NPIPB9: variants seen among roughly 807,000 people sequenced by gnomAD.
The protein encoded by NPIPB9 is nuclear pore complex interacting protein family member B9, also known as nuclear pore complex-interacting protein family member B9.
In NPIPB9, 1 loss-of-function variant was observed where a neutral mutation model predicts 5.6. That is an observed-to-expected ratio of 0.18 (90% CI 0.06 to 0.84). The LOEUF (loss-of-function observed/expected upper bound fraction) is 0.84. Among genes scored for constraint, NPIPB9 ranks in the 40% least tolerant of loss-of-function variants. NPIPB9 has a pLI of 0.70. For missense variants in NPIPB9, 3 were observed against 39.1 expected (o/e 0.08, Z 2.46); for synonymous variants, 2 against 12.5 (o/e 0.16, Z 1.77).
intron 1 of NPIPB9, chr16:28,757,950 T>TTCCTGCCA (rs2048888833): frequency 1.6e-6 from 1 of 608,940 alleles, no homozygotes; most frequent in African/African-American, 2.0e-5. Flanking sequence ...TATGAGGTTC[T>TTCCTGCCA]TCCTGCCATC....
intron 5 of NPIPB9, among the ~76,000 whole-genome samples, chr16:28,767,505 C>T (rs1472923669): frequency 2.2e-4 from 5 of 22,700 alleles, no homozygotes; most frequent in South Asian, 1.8e-3. Flanking sequence ...CCACCGTGCC[C>T]GGCCCAATTT....
intron 1 of NPIPB9, among the ~76,000 whole-genome samples, chr16:28,757,241 ATACCT>A (rs1413281456): frequency 1.9e-5 from 2 of 107,842 alleles, no homozygotes; most frequent in African/African-American, 6.3e-5. Context: ...TTGTGGGCAA[ATACCT>A]TAGGAGAGAA....
At chr16:28,754,812 C>T (rs1413956782) in intron 1 of NPIPB9, among the ~76,000 whole-genome samples, 1 of 142,974 alleles carries the variant, frequency 7.0e-6, no homozygotes, top group Admixed American at 7.1e-5. Context: ...TGGAGTTTGT[C>T]CCAGAGCTGC....
chr16:28,765,794 G>T (rs1471046950), intron 3 of NPIPB9, among the ~76,000 whole-genome samples: 25 of 90,630 alleles, frequency 2.8e-4, no homozygotes, highest in South Asian at 1.3e-3. Flanking sequence ...TCATTCTGTC[G>T]CTCAGGCTGG....
At chr16:28,766,970 C>G (rs1181124125) in intron 5 of NPIPB9, among the ~76,000 whole-genome samples, 1 of 80,804 alleles carries the variant, frequency 1.2e-5, no homozygotes, top group African/African-American at 4.8e-5. Context: ...AGGTAATCCA[C>G]CTGCCTCAGC....
intron 1 of NPIPB9, among the ~76,000 whole-genome samples, chr16:28,754,879 C>T (rs921750135): frequency 4.3e-5 from 6 of 140,274 alleles, no homozygotes; most frequent in African/African-American, 1.3e-4. Flanking sequence ...GCAGTTTGGT[C>T]GGATGTAATC....
Position 28,756,125 on chromosome 16 carries a change from G to C in NPIPB9, c.26-1873G>C, listed in dbSNP as rs868773571. ...TAGTACTCTCTGCCATTCACTTTTG[G>C]TCTAATCTGACTTCAACCCCCACTT... On this transcript the variant is annotated intron_variant, in intron 1 of 7. Coordinates refer to ENST00000550983, the Ensembl canonical transcript of NPIPB9. Among the ~76,000 whole-genome samples, 138 of 81,672 alleles carry C rather than the reference G, an allele frequency of 1.7e-3. 1 individual carries two copies. Among genetic ancestry groups the C allele is most frequent in the Middle Eastern group, 0.012 (2 of 172 alleles). The allele number at this position is 81,672 out of a possible 152,430, so 53.6% of individuals were successfully genotyped here. A position where few individuals can be genotyped will look rare whatever the true frequency, so the allele number is the denominator to read the frequency against.
rs1438672668 is a variant in NPIPB9 at position 28,767,023 on chromosome 16, G to A, written c.590+534G>A. ...TTAGAGGTGTGAGCCACCACACCCA[G>A]GCTTTTTTTTTTTTTTTTTAATTTT... On this transcript the variant is annotated intron_variant, in intron 5 of 7. Transcript: ENST00000550983. Among the ~76,000 whole-genome samples, 2 of 54,270 alleles carry A rather than the reference G, an allele frequency of 3.7e-5. 1 individual carries two copies. The highest frequency in any genetic ancestry group is 4.3e-4 in the Admixed American group (2 of 4,668). 35.6% of individuals were successfully genotyped at this position (54,270 alleles called of 152,430 possible). A position where few individuals can be genotyped will look rare whatever the true frequency, so the allele number is the denominator to read the frequency against.
At chr16:28,753,281 G>C (rs1329300983) in intron 1 of NPIPB9, among the ~76,000 whole-genome samples, 1 of 87,618 alleles carries the variant, frequency 1.1e-5, no homozygotes, top group African/African-American at 3.9e-5. Flanking sequence ...ACATTCTATA[G>C]TACATATATA....
Position 28,752,157 on chromosome 16 carries a change from AATG to A in NPIPB9, c.-405_-403del, listed in dbSNP as rs2048644543. 8.0e-6 allele frequency: 1 copy of A among 125,154 alleles called. No homozygotes were observed. The highest frequency in any genetic ancestry group is 3.7e-5 in the South Asian group (1 of 27,146). The allele number at this position is 125,154 out of a possible 1,614,324, so 7.8% of individuals were successfully genotyped here. A position where few individuals can be genotyped will look rare whatever the true frequency, so the allele number is the denominator to read the frequency against. Reference sequence around the variant, plus strand: ...AATGGATCCCACTAATTATGACAGAAATGATGATACATTTAAATGACTTGGATG... The same window carrying A: ...AATGGATCCCACTAATTATGACAGAAATGATACATTTAAATGACTTGGATG... On this transcript the variant is annotated 5_prime_UTR_variant, in exon 1 of 8. An upstream start codon of the reference 5' UTR is lost. Coordinates refer to ENST00000550983, the Ensembl canonical transcript of NPIPB9.
chr16:28,754,838 A>G (rs397464), intron 1 of NPIPB9, among the ~76,000 whole-genome samples: 47,394 of 128,630 alleles, frequency 0.37, 11,089 homozygotes, highest in Non-Finnish European at 0.44. Context: ...ATCATCACCA[A>G]CATGATGAAA....
intron 2 of NPIPB9, among the ~76,000 whole-genome samples, chr16:28,760,779 C>A (rs2049045329): frequency 4.3e-5 from 1 of 23,264 alleles, no homozygotes; most frequent in African/African-American, 3.8e-4. Flanking sequence ...ATTCTTTTAC[C>A]ATGTGATATA....
intron 5 of NPIPB9, chr16:28,769,609 T>C (rs2049328526): frequency 1.7e-6 from 1 of 574,790 alleles, no homozygotes; most frequent in Admixed American, 6.9e-5. Flanking sequence ...GAAACGCCCA[T>C]TGGAGTGCTG....
rs1368796278 is a variant in NPIPB9 at position 28,759,241 on chromosome 16, C to T, written c.111+1158C>T. Among the ~76,000 whole-genome samples the T allele has an allele frequency of 1.5e-4, 14 of 94,288 alleles. 1 individual carries two copies. The highest frequency in any genetic ancestry group is 2.6e-4 in the African/African-American group (6 of 22,914). The allele number at this position is 94,288 out of a possible 152,430, so 61.9% of individuals were successfully genotyped here. The stretch of plus-strand genomic sequence containing the variant: ...CAAGATCTCGGCTCACTGCAACCTC[C>T]GCTTCCGGGGTTCAAGCAATTGTCC... On this transcript the variant is annotated intron_variant, in intron 2 of 7. Transcript: ENST00000550983.
rs1303108643 is a variant in NPIPB9 at position 28,758,573 on chromosome 16, T to C, written c.111+490T>C. ...CCCTCCCCTTCCCCTCCCCCTCCCC[T>C]TCCCCTCCCCCTCCCCTGCCCCTCC... is the stretch of plus-strand genomic sequence containing the variant. On this transcript the variant is annotated intron_variant, in intron 2 of 7. Transcript: ENST00000550983. The C allele has an allele frequency of 3.6e-4, 22 of 60,814 alleles. No individual in the cohort carries two copies. The African/African-American group carries it at 4.1e-3, about 11-fold the overall frequency. 3.8% of individuals were successfully genotyped at this position (60,814 alleles called of 1,614,324 possible). A position where few individuals can be genotyped will look rare whatever the true frequency, so the allele number is the denominator to read the frequency against.
chr16:28,753,537 C>T (rs1218998552), intron 1 of NPIPB9, among the ~76,000 whole-genome samples: 11 of 50,120 alleles, frequency 2.2e-4, no homozygotes, highest in African/African-American at 8.2e-4. Flanking sequence ...TACATACACA[C>T]ACACACACAC....
rs575477660 is a variant in NPIPB9 at position 28,752,546 on chromosome 16, A to G, written c.-22A>G. 169 of 1,372,792 alleles carry G rather than the reference A, an allele frequency of 1.2e-4. 34 individuals carry two copies. The Admixed American group carries it at 3.2e-3, about 26-fold the overall frequency. 85.0% of individuals were successfully genotyped at this position (1,372,792 alleles called of 1,614,324 possible). The stretch of plus-strand genomic sequence containing the variant: ...CAGAGCCAGTTCACCAAGGAGCTGC[A>G]GCAGCATGTAAAGTCAGTGACATGC... On this transcript the variant is annotated 5_prime_UTR_variant, in exon 1 of 8. Transcript: ENST00000550983.
At chr16:28,754,889 C>G (rs2048761184) in intron 1 of NPIPB9, among the ~76,000 whole-genome samples, 1 of 139,930 alleles carries the variant, frequency 7.1e-6, no homozygotes, top group Non-Finnish European at 1.6e-5. Context: ...CGGATGTAAT[C>G]AGCAGTGAAC....
At chr16:28,767,158 G>T (rs1214086653) in intron 5 of NPIPB9, among the ~76,000 whole-genome samples, 1 of 61,428 alleles carries the variant, frequency 1.6e-5, no homozygotes. Flanking sequence ...TTCCTGAGTA[G>T]CTTGGATTAC....
Sources: allele counts gnomAD v4.1 joint callset (sites outside exome capture counted in the v4.1 genomes callset), GRCh38; gene constraint gnomAD v4.1.1; transcripts MANE v1.5; gene names NCBI Gene and HGNC (gene_info 2026-07-23, HGNC 2026-07-21).